Variants in KDM5A observed in about 807,000 individuals in gnomAD.
KDM5A encodes lysine-specific demethylase 5A.
In KDM5A, 42 loss-of-function variants were observed where a neutral mutation model predicts 193.5. The observed-to-expected ratio is 0.22, with a 90% CI of 0.17 to 0.28. The LOEUF (loss-of-function observed/expected upper bound fraction) is 0.28, where lower values mean the gene tolerates loss of function less well. KDM5A is among the 10% of genes least tolerant of loss of function. KDM5A has a pLI of 1.00. For synonymous variants in KDM5A, 796 were observed against 718.1 expected, an observed-to-expected ratio of 1.11 and a Z score of -1.73; for missense variants, 1,692 against 2,055.1, an observed-to-expected ratio of 0.82 and a Z score of 3.42.
chr12:305,432 T>C (rs1426899019), intron 24 of KDM5A, among the ~76,000 whole-genome samples: 1 of 152,146 alleles, frequency 6.6e-6, no homozygotes, highest in Non-Finnish European at 1.5e-5. Flanking sequence ...GTTTTAATTT[T>C]ATATCCTAGG....
chr12:301,615 G>T (rs1461104182), intron 24 of KDM5A, among the ~76,000 whole-genome samples: 1 of 152,156 alleles, frequency 6.6e-6, no homozygotes, highest in African/African-American at 2.4e-5. Flanking sequence ...TTGAAAACCA[G>T]CACAAGACAA....
intron 18 of KDM5A, among the ~76,000 whole-genome samples, chr12:319,273 C>A (rs1057423941): frequency 6.6e-6 from 1 of 152,148 alleles, no homozygotes; most frequent in Non-Finnish European, 1.5e-5. Flanking sequence ...GAAGGGAAAG[C>A]AGCTGAAAGG....
intron 10 of KDM5A, 31 bp downstream of exon 10, chr12:350,590 G>T (rs953034527): frequency 9.3e-6 from 15 of 1,612,214 alleles, no homozygotes; most frequent in African/African-American, 1.3e-5. Context: ...AATCAGCTTG[G>T]GGGTAAGCAA....
At chr12:332,025 T>C (rs1329703908) in intron 12 of KDM5A, 87 bp from the exon 13 acceptor site, 4 of 1,282,292 alleles carry the variant, frequency 3.1e-6, no homozygotes, top group African/African-American at 1.5e-5. Flanking sequence ...TAATTTCAGA[T>C]GCATTTTCTA....
At position 284,540 on chromosome 12, in the gene KDM5A, G is replaced by C. The variant is rs1348903745; in HGVS notation, c.*916C>G. The C allele has an allele frequency of 4.3e-6, 1 of 232,714 alleles. No homozygotes were observed. Among genetic ancestry groups the C allele is most frequent in the Non-Finnish European group, 8.5e-6 (1 of 117,540 alleles). 14.4% of individuals were successfully genotyped at this position (232,714 alleles called of 1,614,324 possible). A position where few individuals can be genotyped will look rare whatever the true frequency, so the allele number is the denominator to read the frequency against. ...TTGCTCATGGCCATGCCTGAAGCCT[G>C]GTGTCTGGAATACTTGTGAATGAAG... On this transcript the variant is annotated 3_prime_UTR_variant, in exon 28 of 28. Coordinates refer to ENST00000399788, the MANE Select transcript of KDM5A (RefSeq NM_001042603.3).
In KDM5A at chr12:306,762, T is replaced by C. The variant is rs1943511747; in HGVS notation, c.4074+184A>G. 4.6e-6 allele frequency: 3 copies of C among 653,324 alleles called. No homozygotes were observed. The African/African-American group carries it at 5.6e-5, about 12-fold the overall frequency. The allele number at this position is 653,324 out of a possible 1,614,324, so 40.5% of individuals were successfully genotyped here. ...CATCTCCAAAAAAAAAAAAAAAAAT[T>C]GTTTCAGCAACCTGTAATGTTTTGA... On this transcript the variant is annotated intron_variant, in intron 24 of 27. Transcript: ENST00000399788.
chr12:317,977 T>G, intron 19 of KDM5A, 129 bp downstream of exon 19: 1 of 718,164 alleles, frequency 1.4e-6, no homozygotes, highest in Non-Finnish European at 2.4e-6. Context: ...CTAATGCTAC[T>G]TATACATTAA....
chr12:305,420 TG>T (rs1430129593), intron 24 of KDM5A, among the ~76,000 whole-genome samples: 1 of 152,148 alleles, frequency 6.6e-6, no homozygotes, highest in Non-Finnish European at 1.5e-5. Context: ...CTATGATGGA[TG>T]GTTTTAATTT....
In KDM5A at chr12:389,162, G is replaced by T; in HGVS notation, c.-71C>A. 1 of 1,401,924 alleles carries T rather than the reference G, an allele frequency of 7.1e-7. No homozygotes were observed. The highest frequency in any genetic ancestry group is 1.0e-6 in the Non-Finnish European group (1 of 989,408). The allele number at this position is 1,401,924 out of a possible 1,614,324, so 86.8% of individuals were successfully genotyped here. A position where few individuals can be genotyped will look rare whatever the true frequency, so the allele number is the denominator to read the frequency against. On this transcript the variant is annotated 5_prime_UTR_variant, in exon 1 of 28. Transcript: ENST00000399788. ...AGAAAAGCTGGCTGAAGCCCACTAAGCCCGTTCAAGTCCCCTGACAGAGGC... is the reference window on the plus strand; with the variant it reads ...AGAAAAGCTGGCTGAAGCCCACTAATCCCGTTCAAGTCCCCTGACAGAGGC...
Position 373,612 on chromosome 12 carries a change from C to T in KDM5A, c.367-7508G>A, listed in dbSNP as rs187598897. On this transcript the variant is annotated intron_variant, in intron 3 of 27. Coordinates refer to ENST00000399788, the MANE Select transcript of KDM5A (RefSeq NM_001042603.3). ...TGCTCTGATTTTAGTTATTTCTTGC[C>T]TTCTGCTAGCTTTTGAATGTGTTTG... Among the ~76,000 whole-genome samples, 379 of 152,134 alleles carry T rather than the reference C, an allele frequency of 2.5e-3. 1 individual carries two copies. The highest frequency in any genetic ancestry group is 8.7e-3 in the African/African-American group (362 of 41,492).
intron 5 of KDM5A, among the ~76,000 whole-genome samples, chr12:357,203 T>G (rs982884579): frequency 6.6e-6 from 1 of 151,100 alleles, no homozygotes; most frequent in African/African-American, 2.4e-5. Flanking sequence ...TCACTTGAGT[T>G]TGAGAGGTTG....
At chr12:350,175 G>A (rs1259703703) in intron 10 of KDM5A, among the ~76,000 whole-genome samples, 8 of 151,722 alleles carry the variant, frequency 5.3e-5, no homozygotes, top group African/African-American at 1.7e-4. Flanking sequence ...AGTGGCTCAC[G>A]CCTGTAATCC....
rs1943359796 is a variant in KDM5A at position 295,581 on chromosome 12, T to C, written c.4447A>G (p.Ile1483Val). The C allele has an allele frequency of 6.2e-7, 1 of 1,613,804 alleles. No homozygotes were observed. The highest frequency in any genetic ancestry group is 1.7e-4 in the Middle Eastern group (1 of 6,060). The stretch of plus-strand genomic sequence containing the variant: ...AAGTATTAAATCCACACCTCCATGA[T>C]ATGCAAGAATCTGTCTTCAGAGGGT... ...HPPSEDRFLH[I>V]MEDDSMEEKP... Residue 1483 changes from isoleucine to valine, a missense_variant, in exon 26 of 28, where the codon ATC (isoleucine) becomes GTC (valine). This residue lies in a region of KDM5A where 965 missense variants were observed against 1,061.0 expected (regional missense o/e 0.91). Coordinates refer to ENST00000399788, the MANE Select transcript of KDM5A (RefSeq NM_001042603.3).
chr12:331,566 A>T (rs779885752), intron 13 of KDM5A, among the ~76,000 whole-genome samples: 27 of 152,212 alleles, frequency 1.8e-4, no homozygotes, highest in Non-Finnish European at 3.2e-4. Flanking sequence ...GAAGGAATAG[A>T]ATGGAAGTGA....
At chr12:353,284 C>G (rs536821725) in intron 8 of KDM5A, among the ~76,000 whole-genome samples, 8 of 152,048 alleles carry the variant, frequency 5.3e-5, no homozygotes, top group African/African-American at 1.9e-4. Flanking sequence ...GAGCTGAGAC[C>G]GCGCCACTGC....
At chr12:373,254 T>C (rs1380957054) in intron 3 of KDM5A, among the ~76,000 whole-genome samples, 6 of 152,338 alleles carry the variant, frequency 3.9e-5, no homozygotes, top group East Asian at 3.9e-4. Flanking sequence ...CTATTAATTA[T>C]TGCCTCAATT....
chr12:350,390 C>G (rs186191304), intron 10 of KDM5A, among the ~76,000 whole-genome samples: 1 of 147,488 alleles, frequency 6.8e-6, no homozygotes, highest in Non-Finnish European at 1.5e-5. Flanking sequence ...GAGCTAAGCT[C>G]GCGCTCCAGC....
chr12:344,916 A>G (rs1185365955), intron 10 of KDM5A, among the ~76,000 whole-genome samples: 1 of 152,232 alleles, frequency 6.6e-6, no homozygotes, highest in African/African-American at 2.4e-5. Context: ...ACACATAGCA[A>G]CATTAACCTT....
intron 24 of KDM5A, among the ~76,000 whole-genome samples, chr12:306,268 C>T (rs568402436): frequency 6.6e-6 from 1 of 152,150 alleles, no homozygotes; most frequent in African/African-American, 2.4e-5. Flanking sequence ...AGCCACCACA[C>T]CAAGCCTAGA....
Sources: allele counts gnomAD v4.1 joint callset (sites outside exome capture counted in the v4.1 genomes callset), GRCh38; gene constraint gnomAD v4.1.1; regional missense constraint gnomAD v4.1.1; transcripts MANE v1.5; gene names NCBI Gene and HGNC (gene_info 2026-07-23, HGNC 2026-07-21).